CEP290: variants seen among roughly 807,000 people sequenced by gnomAD.
The protein encoded by CEP290 is centrosomal protein 290.
In CEP290, 317 loss-of-function variants were observed where a neutral mutation model predicts 344.9. The observed-to-expected ratio is 0.92, with a 90% CI of 0.84 to 1.01. The LOEUF (loss-of-function observed/expected upper bound fraction) is 1.01. Ranked by LOEUF, CEP290 falls within the 50% of genes least tolerant of loss-of-function variation. The pLI is 0.00. For missense variants in CEP290, 2,754 were observed against 2,761.4 expected, an observed-to-expected ratio of 1.00 and a Z score of 0.06; for synonymous variants, 932 against 895.8, an observed-to-expected ratio of 1.04 and a Z score of -0.72.
At chr12:88,050,533 A>G (rs1280638455) in intron 52 of CEP290, 100 bp from the exon 53 acceptor site, 1 of 568,730 alleles carries the variant, frequency 1.8e-6, no homozygotes, top group African/African-American at 2.0e-5. Flanking sequence ...ATTTTATGAA[A>G]CCTAGAACCT....
intron 43 of CEP290, among the ~76,000 whole-genome samples, chr12:88,070,659 C>T (rs1375333242): frequency 6.6e-6 from 1 of 151,816 alleles, no homozygotes; most frequent in Non-Finnish European, 1.5e-5. Context: ...TCTTTCTACT[C>T]TCCTCTTGCT....
Position 88,084,672 on chromosome 12 carries a change from G to A in CEP290, c.4618C>T (p.Gln1540Ter). ...CTTGCTTGCATGTTTGCAATGGTTT[G>A]ATGAGCAATTTTCAATGTGTGGTGA... ...KSHHTLKIAH[Q>*]TIANMQARLN... The change falls in exon 35 of 54, where the codon CAA becomes TAA. Residue 1540 changes from glutamine (Q) to a stop codon, truncating the protein, a stop_gained. Coordinates refer to ENST00000552810, the MANE Select transcript of CEP290 (RefSeq NM_025114.4). LOFTEE classifies it high-confidence loss of function. The A allele has an allele frequency of 1.2e-6, 2 of 1,613,654 alleles. No individual in the cohort carries two copies. The highest frequency in any genetic ancestry group is 1.7e-6 in the Non-Finnish European group (2 of 1,179,662).
At chr12:88,139,937 G>T (rs768759628) in intron 3 of CEP290, among the ~76,000 whole-genome samples, 1 of 151,936 alleles carries the variant, frequency 6.6e-6, no homozygotes, top group Admixed American at 6.6e-5. Flanking sequence ...AAATTTTTTC[G>T]TACAGGCAAG....
At position 88,068,585 on chromosome 12, in the gene CEP290, G is replaced by A. The variant is rs779262951; in HGVS notation, c.6072C>T (p.Tyr2024=). Reference sequence around the variant, plus strand: ...CTAAAGCATGAAGTTTTTCTTGGAGGTATCTATTTTGTAAATGTAAATCTT... The same window carrying A: ...CTAAAGCATGAAGTTTTTCTTGGAGATATCTATTTTGTAAATGTAAATCTT... ...VVEDLHLQNR[Y]LQEKLHALEK... The change falls in exon 44 of 54, where the codon TAC becomes TAT. Residue 2024 remains tyrosine (Y), a synonymous_variant. Transcript: ENST00000552810. The A allele has an allele frequency of 1.3e-6, 2 of 1,588,316 alleles. No individual in the cohort carries two copies. The highest frequency in any genetic ancestry group is 3.6e-5 in the Admixed American group (2 of 55,554).
At chr12:88,049,442 G>A in intron 53 of CEP290, 28 bp from the exon 54 acceptor site, 1 of 1,137,640 alleles carries the variant, frequency 8.8e-7, no homozygotes, top group Non-Finnish European at 1.3e-6. Flanking sequence ...TTTAAAAGTT[G>A]CATATAGGAA....
intron 15 of CEP290, 102 bp downstream of exon 15, chr12:88,120,012 A>G: frequency 1.5e-6 from 1 of 654,860 alleles, no homozygotes; most frequent in Non-Finnish European, 2.3e-6. Context: ...ATTTGAAAAA[A>G]GCATTAAACT....
chr12:88,114,949 G>T, intron 19 of CEP290, 149 bp downstream of exon 19: 1 of 495,822 alleles, frequency 2.0e-6, no homozygotes, highest in South Asian at 3.4e-5. Context: ...AAATCAACTG[G>T]ATAGTGACAG....
At chr12:88,114,833 G>T (rs535246250) in intron 19 of CEP290, among the ~76,000 whole-genome samples, 1 of 152,076 alleles carries the variant, frequency 6.6e-6, no homozygotes, top group Admixed American at 6.5e-5. Flanking sequence ...TTTAAATTTG[G>T]TGTTCTAACT....
intron 49 of CEP290, chr12:88,058,632 C>T: frequency 1.7e-6 from 1 of 577,894 alleles, no homozygotes; most frequent in Non-Finnish European, 3.0e-6. Flanking sequence ...CTGTTCCATG[C>T]CCTGCCACCC....
chr12:88,121,679 T>C (rs756305295), intron 13 of CEP290, among the ~76,000 whole-genome samples: 2 of 151,960 alleles, frequency 1.3e-5, no homozygotes, highest in Non-Finnish European at 2.9e-5. Context: ...TCCTTCCTGC[T>C]AGCTGAAATC....
intron 47 of CEP290, 63 bp from the exon 48 acceptor site, chr12:88,060,083 C>T: frequency 1.6e-6 from 2 of 1,277,364 alleles, no homozygotes. Flanking sequence ...AAAAGATAAT[C>T]TTATAAACTC....
intron 37 of CEP290, 29 bp from the exon 38 acceptor site, chr12:88,080,424 T>C (rs1297236200): frequency 1.3e-6 from 2 of 1,530,972 alleles, no homozygotes; most frequent in Non-Finnish European, 1.8e-6. Flanking sequence ...TGTGTGTGTG[T>C]GTTTTTTAAT....
At chr12:88,057,140 A>T (rs2034073774) in intron 49 of CEP290, among the ~76,000 whole-genome samples, 1 of 152,176 alleles carries the variant, frequency 6.6e-6, no homozygotes, top group African/African-American at 2.4e-5. Context: ...TATAAACCTT[A>T]TAAACTCTTT....
Position 88,060,918 on chromosome 12 carries a change from T to C in CEP290, c.6434A>G (p.Gln2145Arg), listed in dbSNP as rs2034431352. Residue 2145 changes from glutamine (Q) to arginine (R), a missense_variant, in exon 47 of 54, where the codon CAG becomes CGG. Gln to Arg is a conservative substitution (Grantham distance 43). Transcript: ENST00000552810. The part of the protein sequence containing the change: ...GLMKKVVEKV[Q>R]RENEQLKKAS... ...TTTTTTCAACTGTTCATTTTCTCTC[T>C]GGACTTTTTCAACTACTTTTTTCAT... is the stretch of plus-strand genomic sequence containing the variant. The C allele has an allele frequency of 1.3e-6, 2 of 1,556,992 alleles. No homozygotes were observed. Among genetic ancestry groups the C allele is most frequent in the Non-Finnish European group, 1.7e-6 (2 of 1,149,542 alleles).
chr12:88,064,058 T>C lies in CEP290; in HGVS notation c.6193A>G (p.Asn2065Asp), dbSNP rs886043119. The C allele has an allele frequency of 6.3e-7, 1 of 1,591,214 alleles. No individual in the cohort carries two copies. Among genetic ancestry groups the C allele is most frequent in the Non-Finnish European group, 8.6e-7 (1 of 1,167,074 alleles). The change falls in exon 45 of 54, where the codon AAC (asparagine) becomes GAC (aspartate). Residue 2065 changes from asparagine to aspartate, a missense_variant. Asn to Asp is a conservative substitution (Grantham distance 23). Coordinates refer to ENST00000552810, the MANE Select transcript of CEP290 (RefSeq NM_025114.4). ...CQREQELQKE[N>D]LKLSSENIEL... ...ATATTTTCAGATGACAACTTCAAGT[T>C]TTCCTTCTGAAGCTCCTGTTCTCTC...
intron 41 of CEP290, among the ~76,000 whole-genome samples, chr12:88,073,897 T>G (rs1301892977): frequency 6.6e-6 from 1 of 152,228 alleles, no homozygotes; most frequent in Non-Finnish European, 1.5e-5. Flanking sequence ...TTTTTTACCT[T>G]ATTTAATTCA....
At chr12:88,140,835 C>A in intron 3 of CEP290, 121 bp downstream of exon 3, 1 of 618,010 alleles carries the variant, frequency 1.6e-6, no homozygotes. Flanking sequence ...AAATATATTG[C>A]ATTTTTTAGT....
chr12:88,112,590 G>C (rs1351842895), intron 20 of CEP290, among the ~76,000 whole-genome samples: 1 of 151,996 alleles, frequency 6.6e-6, no homozygotes, highest in African/African-American at 2.4e-5. Context: ...AATATATTTG[G>C]ACTTTAGATG....
intron 45 of CEP290, among the ~76,000 whole-genome samples, chr12:88,063,453 G>GA (rs1305218036): frequency 1.3e-5 from 2 of 152,046 alleles, no homozygotes; most frequent in Non-Finnish European, 2.9e-5. Context: ...AATTTTTAAT[G>GA]AAATATACCA....
Sources: gnomAD v4.1 joint callset for allele counts (sites outside exome capture counted in the v4.1 genomes callset) on GRCh38, gnomAD v4.1.1 for gene constraint, MANE v1.5 for transcripts, NCBI Gene and HGNC (gene_info 2026-07-23, HGNC 2026-07-21) for gene names.